PDE7B: variants seen among roughly 807,000 people sequenced by gnomAD.
PDE7B encodes phosphodiesterase 7B.
Under a neutral mutation model 56.2 loss-of-function variants are expected in PDE7B, and 29 were observed. The ratio of observed to expected loss-of-function variants is 0.52; its 90% CI spans 0.38 to 0.70. PDE7B has a LOEUF of 0.70. Among genes scored for constraint, PDE7B ranks in the 30% least tolerant of loss-of-function variants. The probability of loss-of-function intolerance (pLI) is 0.00; values close to 1 mark genes in which losing one functional copy is unlikely to be tolerated. For synonymous variants in PDE7B, 197 were observed against 196.9 expected (o/e 1.00, Z 0.00); for missense variants, 490 against 565.0 (o/e 0.87, Z 1.35).
Position 136,192,066 on chromosome 6 carries a change from T to A in PDE7B, c.*226T>A. 1 of 557,678 alleles carries A rather than the reference T, an allele frequency of 1.8e-6. No homozygotes were observed. The highest frequency in any genetic ancestry group is 2.0e-5 in the South Asian group (1 of 49,222). The allele number at this position is 557,678 out of a possible 1,614,324, so 34.5% of individuals were successfully genotyped here. On this transcript the variant is annotated 3_prime_UTR_variant, in exon 13 of 13. Coordinates refer to ENST00000308191, the MANE Select transcript of PDE7B (RefSeq NM_018945.4). ...TGCCGAAATGAGCAACTCCATTCAG[T>A]AACGTGGGAGCTGATCCCACGGGCA...
chr6:135,909,769 G>A (rs1776179608), intron 1 of PDE7B, among the ~76,000 whole-genome samples: 1 of 152,004 alleles, frequency 6.6e-6, no homozygotes, highest in African/African-American at 2.4e-5. Flanking sequence ...AAGTGTCTAC[G>A]CAAAAGTGGC....
chr6:135,918,083 G>A (rs1175493170), intron 1 of PDE7B, among the ~76,000 whole-genome samples: 1 of 152,158 alleles, frequency 6.6e-6, no homozygotes, highest in Non-Finnish European at 1.5e-5. Context: ...CAGATTTCTG[G>A]TCTTTCTTCT....
chr6:136,147,332 A>G lies in PDE7B; in HGVS notation c.167-19A>G. ...CTCTTTTAAATATATAAATTTCTTG[A>G]CTTGATGACTTTCCACAGGTACAAC... is the stretch of plus-strand genomic sequence containing the variant. On this transcript the variant is annotated intron_variant, in intron 3 of 12. Coordinates refer to ENST00000308191, the MANE Select transcript of PDE7B (RefSeq NM_018945.4). 1 of 1,571,986 alleles carries G rather than the reference A, an allele frequency of 6.4e-7. No individual in the cohort carries two copies. Among genetic ancestry groups the G allele is most frequent in the Non-Finnish European group, 8.7e-7 (1 of 1,150,338 alleles).
chr6:136,002,265 G>A (rs9483899), intron 2 of PDE7B, among the ~76,000 whole-genome samples: 4,060 of 152,192 alleles, frequency 0.027, 180 homozygotes, highest in African/African-American at 0.092. Flanking sequence ...TGTCAAGACC[G>A]TCAAGGCTAG....
intron 1 of PDE7B, among the ~76,000 whole-genome samples, chr6:135,857,270 T>C (rs187943714): frequency 6.9e-4 from 105 of 152,234 alleles, no homozygotes; most frequent in Middle Eastern, 3.4e-3. Flanking sequence ...TGCTGATATT[T>C]TTTTCTTATT....
chr6:135,852,267 G>A (rs762282832), intron 1 of PDE7B, among the ~76,000 whole-genome samples: 6 of 151,770 alleles, frequency 4.0e-5, no homozygotes, highest in Non-Finnish European at 7.4e-5. Context: ...ATGAGACTCC[G>A]GCATTTTCAC....
chr6:136,000,860 C>G (rs1011870385), intron 2 of PDE7B, among the ~76,000 whole-genome samples: 4 of 152,040 alleles, frequency 2.6e-5, no homozygotes, highest in Non-Finnish European at 5.9e-5. Flanking sequence ...TGTCCCAGCA[C>G]GCAGCTGGAG....
Position 136,173,887 on chromosome 6 carries a change from AC to A in PDE7B, c.803del (p.Thr268AsnfsTer11). ...RLLAHLPKEM[T>X]QDIEQQLGSL... ...TCTTGCTCATTTGCCAAAGGAAATG[AC>A]GTAAGTGCTGCCGAGATGAAACATA... is the stretch of plus-strand genomic sequence containing the variant. On this transcript the variant is annotated frameshift_variant and splice_region_variant, in exon 9 of 13. Transcript: ENST00000308191. LOFTEE classifies it high-confidence loss of function. 6.2e-7 allele frequency: 1 copy of A among 1,605,160 alleles called. No homozygotes were observed. The highest frequency in any genetic ancestry group is 8.5e-7 in the Non-Finnish European group (1 of 1,172,000).
At chr6:136,098,145 G>GT (rs919340558) in intron 2 of PDE7B, 1 of 123,834 alleles carries the variant, frequency 8.1e-6, no homozygotes, top group Non-Finnish European at 1.7e-5. Context: ...GGGGGGGGGG[G>GT]GGAAATATAT....
intron 1 of PDE7B, among the ~76,000 whole-genome samples, chr6:135,899,524 G>A (rs995752986): frequency 1.3e-5 from 2 of 151,518 alleles, no homozygotes; most frequent in Non-Finnish European, 2.9e-5. Flanking sequence ...TAGTTTTTCT[G>A]TGATTACTTG....
At chr6:135,931,403 G>T (rs763264532) in intron 1 of PDE7B, among the ~76,000 whole-genome samples, 27 of 152,114 alleles carry the variant, frequency 1.8e-4, no homozygotes, top group Admixed American at 7.9e-4. Flanking sequence ...TCATGTTTTT[G>T]AAAATAAAAA....
intron 8 of PDE7B, among the ~76,000 whole-genome samples, chr6:136,164,535 A>G (rs1583918359): frequency 1.3e-5 from 2 of 152,334 alleles, no homozygotes; most frequent in Non-Finnish European, 1.5e-5. Flanking sequence ...ATAAATTATT[A>G]TTCTTGAGCA....
chr6:136,063,935 C>G (rs1302841775), intron 2 of PDE7B, among the ~76,000 whole-genome samples: 1 of 152,122 alleles, frequency 6.6e-6, no homozygotes, highest in Non-Finnish European at 1.5e-5. Flanking sequence ...ATAATAAATT[C>G]CCCTCCAACA....
At chr6:136,040,477 C>T (rs983189858) in intron 2 of PDE7B, among the ~76,000 whole-genome samples, 1 of 152,214 alleles carries the variant, frequency 6.6e-6, no homozygotes. Flanking sequence ...CCTGATGCTG[C>T]ATTTCCTCTG....
chr6:135,883,031 C>G (rs1221839706), intron 1 of PDE7B, among the ~76,000 whole-genome samples: 1 of 152,196 alleles, frequency 6.6e-6, no homozygotes, highest in African/African-American at 2.4e-5. Flanking sequence ...CTCAATTACT[C>G]CAGGCATTCT....
At chr6:135,877,752 C>CAAAA (rs75061563) in intron 1 of PDE7B, among the ~76,000 whole-genome samples, 6 of 89,120 alleles carry the variant, frequency 6.7e-5, no homozygotes, top group Non-Finnish European at 1.2e-4. Flanking sequence ...CAAAACAAAA[C>CAAAA]AAAAAAAAAA....
chr6:136,157,396 G>A (rs1320829325), intron 8 of PDE7B, among the ~76,000 whole-genome samples: 2 of 152,108 alleles, frequency 1.3e-5, no homozygotes, highest in Admixed American at 6.6e-5. Context: ...TGGCCAACAC[G>A]GTGAAACCCC....
intron 2 of PDE7B, chr6:136,098,135 G>GA (rs1343894191): frequency 2.8e-5 from 2 of 70,942 alleles, no homozygotes; most frequent in South Asian, 8.0e-4. Context: ...TTAGTTCCTG[G>GA]GGGGGGGGGG....
intron 1 of PDE7B, among the ~76,000 whole-genome samples, chr6:135,909,188 G>C (rs914438425): frequency 6.6e-6 from 1 of 152,110 alleles, no homozygotes; most frequent in Admixed American, 6.5e-5. Context: ...AAAAAATTCG[G>C]AGTGGTCATT....
Sources: gnomAD v4.1 joint callset for allele counts (sites outside exome capture counted in the v4.1 genomes callset) on GRCh38, gnomAD v4.1.1 for gene constraint, MANE v1.5 for transcripts, NCBI Gene and HGNC (gene_info 2026-07-23, HGNC 2026-07-21) for gene names.